The following ABCC4 variants were observed in gnomAD, a reference collection of about 807,000 sequenced individuals.
ABCC4 encodes the protein ATP-binding cassette sub-family C member 4.
Under a neutral mutation model 168.5 loss-of-function variants are expected in ABCC4, and 102 were observed. The observed-to-expected ratio is 0.61, with a 90% CI of 0.52 to 0.71. ABCC4 has a LOEUF of 0.71. ABCC4 is among the 30% of genes least tolerant of loss of function. The pLI, the probability that ABCC4 is intolerant of heterozygous loss-of-function variation, is 0.00. For missense variants in ABCC4, 1,402 were observed against 1,605.8 expected, an observed-to-expected ratio of 0.87 and a Z score of 2.17; for synonymous variants, 617 against 590.7, an observed-to-expected ratio of 1.04 and a Z score of -0.65.
At chr13:95,210,299 C>T (rs766194654) in intron 5 of ABCC4, among the ~76,000 whole-genome samples, 5 of 152,140 alleles carry the variant, frequency 3.3e-5, no homozygotes, top group East Asian at 1.9e-4. Context: ...CGCAACAAGG[C>T]GTGATCCCTT....
At chr13:95,132,435 C>T (rs1055765074) in intron 19 of ABCC4, among the ~76,000 whole-genome samples, 13 of 152,004 alleles carry the variant, frequency 8.6e-5, no homozygotes, top group Non-Finnish European at 4.4e-5. Context: ...AGGCTGGTCT[C>T]GAACTCCTGG....
At chr13:95,209,077 A>T (rs1471282797) in intron 6 of ABCC4, among the ~76,000 whole-genome samples, 2 of 152,256 alleles carry the variant, frequency 1.3e-5, no homozygotes, top group Non-Finnish European at 2.9e-5. Flanking sequence ...TAACACAAGC[A>T]CGGTAAAGAT....
chr13:95,253,387 A>ACCCACACCT (rs1401856192), intron 1 of ABCC4, among the ~76,000 whole-genome samples: 1 of 152,084 alleles, frequency 6.6e-6, no homozygotes, highest in Non-Finnish European at 1.5e-5. Flanking sequence ...CTGCTAAGCC[A>ACCCACACCT]ACAACATGCT....
intron 25 of ABCC4, among the ~76,000 whole-genome samples, chr13:95,068,552 G>A (rs1434551286): frequency 1.3e-5 from 2 of 152,224 alleles, no homozygotes; most frequent in South Asian, 4.2e-4. Flanking sequence ...TTGAACCTGA[G>A]AGGCAGAATG....
chr13:95,292,010 A>G (rs2041416538), intron 1 of ABCC4, among the ~76,000 whole-genome samples: 2 of 152,124 alleles, frequency 1.3e-5, no homozygotes, highest in Non-Finnish European at 2.9e-5. Context: ...TTGAATGCCT[A>G]TTCAACATCT....
At chr13:95,062,880 C>T (rs1329908934) in intron 25 of ABCC4, 21 bp from the exon 26 acceptor site, 5 of 1,476,698 alleles carry the variant, frequency 3.4e-6, no homozygotes, top group South Asian at 1.3e-5. Context: ...ATCCAGGCGG[C>T]AGGATTAAAA....
At chr13:95,087,452 C>T (rs1416017383) in intron 20 of ABCC4, among the ~76,000 whole-genome samples, 1 of 152,098 alleles carries the variant, frequency 6.6e-6, no homozygotes, top group African/African-American at 2.4e-5. Flanking sequence ...CATGCCACTG[C>T]ACTCCAGACT....
chr13:95,256,599 A>G (rs190091308), intron 1 of ABCC4, among the ~76,000 whole-genome samples: 1 of 152,204 alleles, frequency 6.6e-6, no homozygotes, highest in Non-Finnish European at 1.5e-5. Flanking sequence ...CGACAAAAAC[A>G]TACAAAAAAC....
intron 9 of ABCC4, among the ~76,000 whole-genome samples, chr13:95,191,483 A>T (rs937124760): frequency 2.0e-5 from 3 of 152,300 alleles, no homozygotes; most frequent in Middle Eastern, 3.4e-3. Flanking sequence ...TTTCTTTTTT[A>T]AAAAAGTAAT....
At chr13:95,072,810 C>A (rs1178269741) in intron 24 of ABCC4, among the ~76,000 whole-genome samples, 2 of 152,126 alleles carry the variant, frequency 1.3e-5, no homozygotes, top group Non-Finnish European at 2.9e-5. Context: ...AGGAGGAGAC[C>A]TATTAATTAA....
intron 25 of ABCC4, among the ~76,000 whole-genome samples, chr13:95,071,326 G>C (rs562150796): frequency 6.6e-6 from 1 of 152,182 alleles, no homozygotes. Flanking sequence ...AGAAGGACTT[G>C]AGAAATGCAA....
intron 27 of ABCC4, among the ~76,000 whole-genome samples, chr13:95,045,960 G>C (rs78938816): frequency 0.065 from 9,883 of 152,218 alleles, 466 homozygotes; most frequent in Non-Finnish European, 0.1. Flanking sequence ...GATTAAATAT[G>C]GTATTGATAT....
intron 11 of ABCC4, among the ~76,000 whole-genome samples, chr13:95,184,738 T>G (rs1321300056): frequency 1.3e-5 from 2 of 152,206 alleles, no homozygotes; most frequent in Non-Finnish European, 2.9e-5. Flanking sequence ...AGAAAAGAGC[T>G]GAAAGACAAG....
intron 1 of ABCC4, among the ~76,000 whole-genome samples, chr13:95,297,196 T>C (rs1266875933): frequency 2.7e-5 from 4 of 149,662 alleles, no homozygotes; most frequent in South Asian, 2.1e-4. Flanking sequence ...ACTTGAACCC[T>C]GGAGGCGGAG....
intron 1 of ABCC4, among the ~76,000 whole-genome samples, chr13:95,286,091 T>C (rs1272603590): frequency 6.8e-6 from 1 of 147,214 alleles, no homozygotes; most frequent in Non-Finnish European, 1.5e-5. Flanking sequence ...TTCAGCCTTG[T>C]TGCTCTGCTG....
intron 27 of ABCC4, among the ~76,000 whole-genome samples, chr13:95,046,457 T>C (rs906365100): frequency 6.6e-6 from 1 of 152,060 alleles, no homozygotes; most frequent in African/African-American, 2.4e-5. Context: ...GAATCGGGGA[T>C]GGTTATGAGA....
intron 20 of ABCC4, among the ~76,000 whole-genome samples, chr13:95,100,739 G>A (rs953950963): frequency 6.6e-6 from 1 of 152,184 alleles, no homozygotes; most frequent in African/African-American, 2.4e-5. Context: ...TGAGAACGCC[G>A]TGATTCAGTT....
Position 95,188,471 on chromosome 13 carries a change from G to A in ABCC4, c.1335C>T (p.Gly445=), listed in dbSNP as rs1215215487. ...AACTCACCTTCCCTGCTCCCACGGG[G>A]CCGACCACAGCTAACAATTCGCCAG... ...VRPGELLAVV[G]PVGAGKSSLL... Residue 445 remains glycine (G), a synonymous_variant, in exon 10 of 31, where the codon GGC becomes GGT. Coordinates refer to ENST00000645237, the MANE Select transcript of ABCC4 (RefSeq NM_005845.5). 1 of 1,614,120 alleles carries A rather than the reference G, an allele frequency of 6.2e-7. No homozygotes were observed. The highest frequency in any genetic ancestry group is 8.5e-7 in the Non-Finnish European group (1 of 1,180,006).
chr13:95,206,409 C>T lies in ABCC4; in HGVS notation c.1161+123G>A, dbSNP rs543249093. 267 of 1,288,788 alleles carry T rather than the reference C, an allele frequency of 2.1e-4. No homozygotes were observed. The African/African-American group carries it at 2.5e-3, about 12-fold the overall frequency. 79.8% of individuals were successfully genotyped at this position (1,288,788 alleles called of 1,614,324 possible). A position where few individuals can be genotyped will look rare whatever the true frequency, so the allele number is the denominator to read the frequency against. ...AAGTACACACAACATTCTGGAATGG[C>T]GGCACGTTTTGGTTATGAGAGAGTT... On this transcript the variant is annotated intron_variant, in intron 8 of 30. Coordinates refer to ENST00000645237, the MANE Select transcript of ABCC4 (RefSeq NM_005845.5).
Sources: allele counts gnomAD v4.1 joint callset (sites outside exome capture counted in the v4.1 genomes callset), GRCh38; gene constraint gnomAD v4.1.1; transcripts MANE v1.5; gene names NCBI Gene and HGNC (gene_info 2026-07-23, HGNC 2026-07-21).